FHOD1: variants seen among roughly 807,000 people sequenced by gnomAD.
The protein encoded by FHOD1 is FH1/FH2 domain-containing protein 1.
In FHOD1, 89 loss-of-function variants were observed where a neutral mutation model predicts 111.6. The ratio of observed to expected loss-of-function variants is 0.80; its 90% CI spans 0.67 to 0.95. FHOD1 has a LOEUF of 0.95. Ranked by LOEUF, FHOD1 falls within the 40% of genes least tolerant of loss-of-function variation. The pLI, the probability that FHOD1 is intolerant of heterozygous loss-of-function variation, is 0.00. For synonymous variants in FHOD1, 618 were observed against 639.0 expected (o/e 0.97, Z 0.50); for missense variants, 1,446 against 1,554.2 (o/e 0.93, Z 1.17).
At chr16:67,234,575 A>G (rs966023090) in intron 11 of FHOD1, 103 bp from the exon 12 acceptor site, 1 of 974,034 alleles carries the variant, frequency 1.0e-6, no homozygotes, top group African/African-American at 1.6e-5. Context: ...AGGCACGCAC[A>G]GACACACAGG....
rs200636299 is a variant in FHOD1, at chr16:67,239,345, G to C, written c.308+3C>G. ...TTGCCTCCCTGGCCCCATCAGTTCT[G>C]ACCTGATCTCTTCATAGAAGCCCTC... On this transcript the variant is annotated splice_donor_region_variant and intron_variant, in intron 2 of 21. Coordinates refer to ENST00000258201, the MANE Select transcript of FHOD1 (RefSeq NM_013241.3). 2 of 1,612,776 alleles carry C rather than the reference G, an allele frequency of 1.2e-6. No homozygotes were observed. Among genetic ancestry groups the C allele is most frequent in the African/African-American group, 2.7e-5 (2 of 74,890 alleles).
intron 17 of FHOD1, 173 bp from the exon 18 acceptor site, chr16:67,230,964 G>A: frequency 1.2e-6 from 1 of 838,606 alleles, no homozygotes; most frequent in Non-Finnish European, 1.8e-6. Flanking sequence ...GGGAGCAGAA[G>A]GTTTACTGGG....
rs1304159592 is a variant in FHOD1, at chr16:67,232,127, A to G, written c.2114T>C (p.Ile705Thr). ...LDPKRSNAIN[I>T]GLTTLPPVHV... ...CACAGGTGGCAGTGTGGTTAGGCCG[A>G]TGTTGATGGCGTTGCTGCGCTTGGG... The change falls in exon 14 of 22, where the codon ATC (isoleucine) becomes ACC (threonine). Residue 705 changes from isoleucine to threonine, a missense_variant. This residue lies in a region of FHOD1 where 1,085 missense variants were observed against 1,108.8 expected (regional missense o/e 0.98). Transcript: ENST00000258201. 1 of 1,614,156 alleles carries G rather than the reference A, an allele frequency of 6.2e-7. No individual in the cohort carries two copies. Among genetic ancestry groups the G allele is most frequent in the East Asian group, 2.2e-5 (1 of 44,882 alleles).
rs925493943 is a variant in FHOD1, at chr16:67,231,078, A to G, written c.2667+110T>C. 138 of 1,416,606 alleles carry G rather than the reference A, an allele frequency of 9.7e-5. No homozygotes were observed. The highest frequency in any genetic ancestry group is 2.1e-4 in the Middle Eastern group (1 of 4,758). 87.8% of individuals were successfully genotyped at this position (1,416,606 alleles called of 1,614,324 possible). On this transcript the variant is annotated intron_variant, in intron 17 of 21. Transcript: ENST00000258201. This position sits in a 1 kb window ranked among gnomAD's most constrained non-coding sequence, Gnocchi z 4.3. Reference sequence around the variant, plus strand: ...GCATAGCTCACACCCAGGTGGCTGGAGCAAGCCCTGGCACAGCAGCCCAAA... The same window carrying G: ...GCATAGCTCACACCCAGGTGGCTGGGGCAAGCCCTGGCACAGCAGCCCAAA...
intron 11 of FHOD1, among the ~76,000 whole-genome samples, chr16:67,235,118 T>C (rs2034431566): frequency 6.6e-6 from 1 of 152,160 alleles, no homozygotes; most frequent in South Asian, 2.1e-4. Flanking sequence ...GGCTGGTGTC[T>C]TGAGTCTAGA....
In FHOD1 at chr16:67,238,999, A is replaced by C; in HGVS notation, c.309-32T>G. On this transcript the variant is annotated intron_variant, in intron 2 of 21. Transcript: ENST00000258201. This position sits in a 1 kb window ranked among gnomAD's most constrained non-coding sequence, Gnocchi z 4.2. ...TCAAGGATCTCTGTTAGCAGCTCCC[A>C]GCCTATCCCTCAGCATTCCTCCCCA... The C allele has an allele frequency of 6.2e-7, 1 of 1,609,494 alleles. No homozygotes were observed. The highest frequency in any genetic ancestry group is 8.5e-7 in the Non-Finnish European group (1 of 1,175,956).
chr16:67,231,247 T>C lies in FHOD1; in HGVS notation c.2608A>G (p.Thr870Ala), dbSNP rs1454851535. 6.2e-7 allele frequency: 1 copy of C among 1,613,932 alleles called. No homozygotes were observed. Among genetic ancestry groups the C allele is most frequent in the Non-Finnish European group, 8.5e-7 (1 of 1,180,014 alleles). ...TAGAGGTCAGAGGACTCAGGCCGGG[T>C]CTGGAGCACTAGGGAGCAGAGATGG... is the stretch of plus-strand genomic sequence containing the variant. ...LHHLCSLVLQ[T>A]RPESSDLYSE... The change falls in exon 17 of 22, where the codon ACC (threonine) becomes GCC (alanine). Residue 870 changes from threonine (T) to alanine (A), a missense_variant. Transcript: ENST00000258201. This position sits in a 1 kb window ranked among gnomAD's most constrained non-coding sequence, Gnocchi z 4.3.
chr16:67,237,723 C>T lies in FHOD1; in HGVS notation c.688G>A (p.Val230Ile). The change falls in exon 7 of 22, where the codon GTA becomes ATA. Residue 230 changes from valine to isoleucine, a missense_variant. Transcript: ENST00000258201. This position sits in a 1 kb window ranked among gnomAD's most constrained non-coding sequence, Gnocchi z 5.6. ...GGTGCGTTGTTTTCGGAGTATTCTA[C>T]AAACACCAACAGCAGCTTCAGGGCT... ...KTALKLLLVF[V>I]EYSENNAPLF... 1.2e-6 allele frequency: 2 copies of T among 1,614,200 alleles called. No homozygotes were observed. The highest frequency in any genetic ancestry group is 1.7e-6 in the Non-Finnish European group (2 of 1,180,050).
In FHOD1 at chr16:67,236,716, G is replaced by A. The variant is rs1471348741; in HGVS notation, c.1160C>T (p.Ser387Leu). The change falls in exon 11 of 22, where the codon TCA becomes TTA. Residue 387 changes from serine (S) to leucine (L), a missense_variant. Physicochemically the swap from Ser to Leu is moderately radical, Grantham distance 145 (BLOSUM62 -2). Coordinates refer to ENST00000258201, the MANE Select transcript of FHOD1 (RefSeq NM_013241.3). ...GGTGGAAGAGGTGGGGCCTACCGGT[G>A]AGGCGGGGCCTGTGGGGCTGAAAGC... Reference protein sequence around the residue: ...APEPGPTGPASPVGPTSSTGP... With the variant: ...APEPGPTGPALPVGPTSSTGP... 7.0e-6 allele frequency: 11 copies of A among 1,565,246 alleles called. No homozygotes were observed. Among genetic ancestry groups the A allele is most frequent in the Non-Finnish European group, 9.5e-6 (11 of 1,155,126 alleles).
rs1184873245 is a variant in FHOD1, at chr16:67,238,771, G to A, written c.373+132C>T. 1 of 858,256 alleles carries A rather than the reference G, an allele frequency of 1.2e-6. No homozygotes were observed. The highest frequency in any genetic ancestry group is 1.9e-6 in the Non-Finnish European group (1 of 515,726). 53.2% of individuals were successfully genotyped at this position (858,256 alleles called of 1,614,324 possible). A position where few individuals can be genotyped will look rare whatever the true frequency, so the allele number is the denominator to read the frequency against. Reference sequence around the variant, plus strand: ...TCCCACCATGGCCCTGGAAGAAGAGGTCAGGATAGGGAGAGGAAGGAGCAC... The same window carrying A: ...TCCCACCATGGCCCTGGAAGAAGAGATCAGGATAGGGAGAGGAAGGAGCAC... On this transcript the variant is annotated intron_variant, in intron 3 of 21. Coordinates refer to ENST00000258201, the MANE Select transcript of FHOD1 (RefSeq NM_013241.3). The surrounding 1 kb of genome is among the most constrained non-coding windows in gnomAD (Gnocchi z 4.2).
chr16:67,241,515 G>C (rs1316899314), intron 1 of FHOD1, among the ~76,000 whole-genome samples: 1 of 152,160 alleles, frequency 6.6e-6, no homozygotes, highest in Non-Finnish European at 1.5e-5. Flanking sequence ...GGATCCCCTC[G>C]AATCACACAC....
At chr16:67,242,916 T>A (rs2034706785) in intron 1 of FHOD1, among the ~76,000 whole-genome samples, 1 of 151,674 alleles carries the variant, frequency 6.6e-6, no homozygotes, top group Admixed American at 6.6e-5. Flanking sequence ...TAGATATAGA[T>A]CTATAATATA....
intron 1 of FHOD1, among the ~76,000 whole-genome samples, chr16:67,240,403 G>A (rs542513086): frequency 6.6e-6 from 1 of 152,310 alleles, no homozygotes; most frequent in East Asian, 1.9e-4. Context: ...GCGGGTGCCT[G>A]TAATCCCAGC....
At chr16:67,232,913 C>A (rs1369395642) in intron 13 of FHOD1, among the ~76,000 whole-genome samples, 1 of 151,864 alleles carries the variant, frequency 6.6e-6, no homozygotes, top group Non-Finnish European at 1.5e-5. Flanking sequence ...TGAGCCACCA[C>A]GCCCAGCTCA....
At chr16:67,236,805 T>A (rs1204576801) in intron 10 of FHOD1, 72 bp from the exon 11 acceptor site, 26 of 108,986 alleles carry the variant, frequency 2.4e-4, no homozygotes, top group Middle Eastern at 4.4e-3. Context: ...GGGTGGGGCC[T>A]GCGGGGCGGG....
intron 1 of FHOD1, among the ~76,000 whole-genome samples, chr16:67,242,910 T>C (rs1284053452): frequency 1.3e-5 from 2 of 151,730 alleles, no homozygotes; most frequent in African/African-American, 4.8e-5. Flanking sequence ...AATATATAGA[T>C]ATAGATCTAT....
intron 19 of FHOD1, 43 bp from the exon 20 acceptor site, chr16:67,230,271 C>T (rs751086498): frequency 6.2e-7 from 1 of 1,613,306 alleles, no homozygotes; most frequent in African/African-American, 1.3e-5. Context: ...CGAAGGAAAC[C>T]AAGGAGGTGG....
rs752536609 is a variant in FHOD1 at position 67,234,279 on chromosome 16, G to T, written c.1436-12C>A. 3 of 1,579,424 alleles carry T rather than the reference G, an allele frequency of 1.9e-6. No homozygotes were observed. The highest frequency in any genetic ancestry group is 2.6e-6 in the Non-Finnish European group (3 of 1,159,244). On this transcript the variant is annotated splice_polypyrimidine_tract_variant and intron_variant, in intron 12 of 21. Coordinates refer to ENST00000258201, the MANE Select transcript of FHOD1 (RefSeq NM_013241.3). ...GAGTTGCCGGGCATCTAAAGAAAGG[G>T]AAGGAGCTGTCAGTGCCATGCCCCC...
Position 67,229,929 on chromosome 16 carries a change from T to C in FHOD1, c.3276A>G (p.Glu1092=). 3 of 1,614,214 alleles carry C rather than the reference T, an allele frequency of 1.9e-6. No homozygotes were observed. Among genetic ancestry groups the C allele is most frequent in the Non-Finnish European group, 1.7e-6 (2 of 1,180,028 alleles). ...PTVGPSTASP[E]EPPGSSLPSD... ...TGGGTAAACTGGAGCCTGGGGGTTC[T>C]TCTGGGGATGCAGTGGAGGGCCCCA... is the stretch of plus-strand genomic sequence containing the variant. The change falls in exon 21 of 22, where the codon GAA becomes GAG. Residue 1092 remains glutamate, a synonymous_variant. Transcript: ENST00000258201.
Sources: allele counts gnomAD v4.1 joint callset (sites outside exome capture counted in the v4.1 genomes callset), GRCh38; gene constraint gnomAD v4.1.1; regional missense constraint gnomAD v4.1.1; non-coding constraint Gnocchi (gnomAD v3.1); transcripts MANE v1.5; gene names NCBI Gene and HGNC (gene_info 2026-07-23, HGNC 2026-07-21).